The following ATP13A5 variants were observed in gnomAD, a reference collection of about 807,000 sequenced individuals.
The protein encoded by ATP13A5 is ATPase 13A5.
A neutral mutation model predicts 150.2 loss-of-function variants in ATP13A5; 149 were observed. The ratio of observed to expected loss-of-function variants is 0.99; its 90% confidence interval spans 0.87 to 1.14. The LOEUF is 1.14. ATP13A5 is among the 50% of genes most tolerant of loss of function. The pLI, the probability that ATP13A5 is intolerant of heterozygous loss-of-function variation, is 0.00. For synonymous variants in ATP13A5, 497 were observed against 522.2 expected, an observed-to-expected ratio of 0.95 and a Z score of 0.66; for missense variants, 1,383 against 1,449.3, an observed-to-expected ratio of 0.95 and a Z score of 0.74.
intron 17 of ATP13A5, among the ~76,000 whole-genome samples, chr3:193,315,802 G>A (rs949291423): frequency 1.3e-5 from 2 of 152,096 alleles, no homozygotes; most frequent in Admixed American, 6.6e-5. Flanking sequence ...CAGCTGTGAA[G>A]CCATTACCAT....
At chr3:193,326,566 T>C (rs1194102873) in intron 13 of ATP13A5, among the ~76,000 whole-genome samples, 3 of 152,252 alleles carry the variant, frequency 2.0e-5, no homozygotes, top group Non-Finnish European at 4.4e-5. Context: ...TTCTCCATTC[T>C]GACATTTCTG....
At chr3:193,288,089 A>G (rs879514323) in intron 26 of ATP13A5, among the ~76,000 whole-genome samples, 14 of 152,196 alleles carry the variant, frequency 9.2e-5, no homozygotes, top group Admixed American at 8.5e-4. Context: ...TAAAATTTGA[A>G]TGGATGAAGA....
At chr3:193,374,727 A>G (rs1713580971) in intron 1 of ATP13A5, among the ~76,000 whole-genome samples, 1 of 152,134 alleles carries the variant, frequency 6.6e-6, no homozygotes, top group Admixed American at 6.5e-5. Flanking sequence ...AGATCACAAA[A>G]AAACATAATA....
intron 7 of ATP13A5, among the ~76,000 whole-genome samples, chr3:193,345,998 T>C (rs968403496): frequency 6.6e-6 from 1 of 152,116 alleles, no homozygotes; most frequent in African/African-American, 2.4e-5. Context: ...CTTTATGAAC[T>C]GTGGATTTTC....
intron 28 of ATP13A5, among the ~76,000 whole-genome samples, chr3:193,278,887 A>G (rs1717350607): frequency 6.6e-6 from 1 of 152,152 alleles, no homozygotes; most frequent in Non-Finnish European, 1.5e-5. Context: ...AATAGCCTTG[A>G]TGAATTAGAT....
chr3:193,307,524 A>C, intron 21 of ATP13A5, 155 bp from the exon 22 acceptor site: 1 of 837,024 alleles, frequency 1.2e-6, no homozygotes, highest in Non-Finnish European at 1.9e-6. Context: ...GTTTGGAGAG[A>C]CATATTCCCA....
At chr3:193,292,766 A>G (rs1718021013) in intron 25 of ATP13A5, among the ~76,000 whole-genome samples, 1 of 152,160 alleles carries the variant, frequency 6.6e-6, no homozygotes, top group South Asian at 2.1e-4. Flanking sequence ...AATGGGGAGA[A>G]TAACTGCCTG....
rs773696205 is a variant in ATP13A5 at position 193,334,942 on chromosome 3, G to T, written c.1101C>A (p.Val367=). 6.2e-7 allele frequency: 1 copy of T among 1,612,656 alleles called. No individual in the cohort carries two copies. The highest frequency in any genetic ancestry group is 1.7e-5 in the Admixed American group (1 of 59,902). The part of the protein sequence containing the change: ...KPSGQGPVRA[V]VLQTGYNTAK... ...GAATCCACTAACCTGTTTGCAAAAC[G>T]ACTGCTCGTACAGGCCCCTGCCCAG... Residue 367 remains valine, a synonymous_variant, in exon 10 of 30, where the codon GTC becomes GTA. Transcript: ENST00000342358.
chr3:193,366,463 T>C (rs61087209), intron 1 of ATP13A5, among the ~76,000 whole-genome samples: 2,875 of 152,106 alleles, frequency 0.019, 96 homozygotes, highest in African/African-American at 0.067. Context: ...ATCACACAAA[T>C]TATATTTCTT....
intron 14 of ATP13A5, 80 bp downstream of exon 14, chr3:193,324,784 T>A: frequency 2.7e-6 from 4 of 1,498,200 alleles, no homozygotes; most frequent in Non-Finnish European, 2.7e-6. Context: ...CTCTGTGTTT[T>A]AACAAAAATT....
At chr3:193,325,728 C>G (rs915679262) in intron 13 of ATP13A5, among the ~76,000 whole-genome samples, 2 of 152,236 alleles carry the variant, frequency 1.3e-5, no homozygotes, top group Non-Finnish European at 2.9e-5. Context: ...TTGAAGCACC[C>G]TGGACATCCC....
chr3:193,350,260 G>A (rs1368154218), intron 7 of ATP13A5, among the ~76,000 whole-genome samples: 1 of 151,866 alleles, frequency 6.6e-6, no homozygotes, highest in Non-Finnish European at 1.5e-5. Context: ...AAATATGATG[G>A]CATTAATAAA....
At position 193,314,963 on chromosome 3, in the gene ATP13A5, A is replaced by G; in HGVS notation, c.2158+9T>C. 6.2e-7 allele frequency: 1 copy of G among 1,611,440 alleles called. No individual in the cohort carries two copies. The highest frequency in any genetic ancestry group is 8.5e-7 in the Non-Finnish European group (1 of 1,178,490). Reference sequence around the variant, plus strand: ...TCAACTTGCCAGGCCCCTAGAAACAAATACATACCTGTAATCATCACAGTC... The same window carrying G: ...TCAACTTGCCAGGCCCCTAGAAACAGATACATACCTGTAATCATCACAGTC... On this transcript the variant is annotated intron_variant, in intron 18 of 29. Transcript: ENST00000342358.
intron 21 of ATP13A5, among the ~76,000 whole-genome samples, chr3:193,308,083 A>C (rs1345933803): frequency 1.3e-5 from 2 of 152,254 alleles, no homozygotes; most frequent in Non-Finnish European, 2.9e-5. Context: ...GAAATCAATA[A>C]GGAGAAAAAA....
At chr3:193,298,350 A>G (rs1718256424) in intron 25 of ATP13A5, among the ~76,000 whole-genome samples, 1 of 152,144 alleles carries the variant, frequency 6.6e-6, no homozygotes, top group Non-Finnish European at 1.5e-5. Flanking sequence ...CAACCCTAAG[A>G]ATCAAAATTG....
At chr3:193,281,111 A>G in intron 27 of ATP13A5, 4 of 843,908 alleles carry the variant, frequency 4.7e-6, no homozygotes, top group Non-Finnish European at 5.7e-6. Flanking sequence ...TAGGAATTGC[A>G]TCTCTCAGGA....
Position 193,314,954 on chromosome 3 carries a change from C to T in ATP13A5, c.2158+18G>A. ...AGGATACAATCAACTTGCCAGGCCC[C>T]TAGAAACAAATACATACCTGTAATC... On this transcript the variant is annotated intron_variant, in intron 18 of 29. Transcript: ENST00000342358. 6.2e-7 allele frequency: 1 copy of T among 1,607,094 alleles called. No homozygotes were observed. The highest frequency in any genetic ancestry group is 8.5e-7 in the Non-Finnish European group (1 of 1,175,538).
At chr3:193,368,070 GA>G (rs1270533750) in intron 1 of ATP13A5, among the ~76,000 whole-genome samples, 2 of 151,966 alleles carry the variant, frequency 1.3e-5, no homozygotes, top group Non-Finnish European at 2.9e-5. Context: ...AGATAATGTG[GA>G]AAAATATCCA....
chr3:193,284,029 A>ATTATTC, intron 27 of ATP13A5, among the ~76,000 whole-genome samples: 1 of 149,036 alleles, frequency 6.7e-6, no homozygotes, highest in African/African-American at 2.5e-5. Context: ...TATTATTATT[A>ATTATTC]TTATTTTTTG....
Sources: gnomAD v4.1 joint callset for allele counts (sites outside exome capture counted in the v4.1 genomes callset) on GRCh38, gnomAD v4.1.1 for gene constraint, MANE v1.5 for transcripts, NCBI Gene and HGNC (gene_info 2026-07-23, HGNC 2026-07-21) for gene names.